PTPRT: variants seen among roughly 807,000 people sequenced by gnomAD.
PTPRT encodes the protein protein tyrosine phosphatase receptor type T, also known as receptor-type tyrosine-protein phosphatase T.
A neutral mutation model predicts 176.8 loss-of-function variants in PTPRT; 56 were observed. The ratio of observed to expected loss-of-function variants is 0.32; its 90% CI spans 0.26 to 0.40. The LOEUF (loss-of-function observed/expected upper bound fraction) is 0.40, where lower values mean the gene tolerates loss of function less well. PTPRT is among the 10% of genes least tolerant of loss of function. PTPRT has a pLI of 1.00. For missense variants in PTPRT, 1,540 were observed against 1,908.2 expected, an observed-to-expected ratio of 0.81 and a Z score of 3.60; for synonymous variants, 783 against 739.0, an observed-to-expected ratio of 1.06 and a Z score of -0.96.
chr20:42,426,044 C>T (rs529266039), intron 9 of PTPRT, among the ~76,000 whole-genome samples: 8 of 152,086 alleles, frequency 5.3e-5, no homozygotes, highest in Admixed American at 1.3e-4. Flanking sequence ...CTGTATGGTT[C>T]GTGAAAGTTG....
chr20:42,900,011 A>ACTGTCACTAT (rs2079374330), intron 1 of PTPRT, among the ~76,000 whole-genome samples: 1 of 152,222 alleles, frequency 6.6e-6, no homozygotes, highest in African/African-American at 2.4e-5. Context: ...TGAGTTAGGT[A>ACTGTCACTAT]CTGTCACTAT....
chr20:42,891,387 G>T (rs550557591), intron 1 of PTPRT, among the ~76,000 whole-genome samples: 1 of 152,332 alleles, frequency 6.6e-6, no homozygotes, highest in Admixed American at 6.5e-5. Context: ...GCAGGCTGAG[G>T]TCAAAATGTG....
At chr20:43,006,269 C>T in intron 1 of PTPRT, among the ~76,000 whole-genome samples, 1 of 152,208 alleles carries the variant, frequency 6.6e-6, no homozygotes, top group Admixed American at 6.5e-5. Context: ...ATAACCTTTA[C>T]ATCTCATGAG....
intron 1 of PTPRT, among the ~76,000 whole-genome samples, chr20:42,906,243 G>A (rs1259650479): frequency 6.6e-6 from 1 of 152,054 alleles, no homozygotes; most frequent in African/African-American, 2.4e-5. Context: ...GCTGGCAGAA[G>A]ACCACACTGG....
intron 6 of PTPRT, among the ~76,000 whole-genome samples, chr20:42,690,024 G>T (rs909089593): frequency 6.6e-6 from 1 of 152,244 alleles, no homozygotes; most frequent in Non-Finnish European, 1.5e-5. Flanking sequence ...AGGATGTTAG[G>T]GAAGGCTTCC....
intron 7 of PTPRT, among the ~76,000 whole-genome samples, chr20:42,499,181 G>A (rs1450747062): frequency 6.6e-6 from 1 of 151,620 alleles, no homozygotes; most frequent in Non-Finnish European, 1.5e-5. Context: ...CTGTACTACT[G>A]TGGCAATTTT....
rs879578824 is a variant in PTPRT, at chr20:42,481,775, CAA to C, written c.1154-9215_1154-9214del. Among the ~76,000 whole-genome samples the C allele has an allele frequency of 8.5e-3, 1,060 of 124,178 alleles. 8 individuals are homozygous for C. Among genetic ancestry groups the C allele is most frequent in the Middle Eastern group, 0.017 (4 of 230 alleles). 81.5% of individuals were successfully genotyped at this position (124,178 alleles called of 152,430 possible). A position where few individuals can be genotyped will look rare whatever the true frequency, so the allele number is the denominator to read the frequency against. On this transcript the variant is annotated intron_variant, in intron 7 of 30. Coordinates refer to ENST00000373187, the MANE Select transcript of PTPRT (RefSeq NM_007050.6). Reference sequence around the variant, plus strand: ...CTAAAAGAAAAAAACCATACACACACAAACACACACACACACACACACACACA... The same window carrying C: ...CTAAAAGAAAAAAACCATACACACACACACACACACACACACACACACACA...
intron 1 of PTPRT, among the ~76,000 whole-genome samples, chr20:43,082,520 C>G (rs1269199125): frequency 1.3e-5 from 2 of 152,130 alleles, no homozygotes; most frequent in African/African-American, 2.4e-5. Flanking sequence ...CACACACACT[C>G]ACACACACAA....
chr20:42,854,067 G>T (rs1303080945), intron 2 of PTPRT, among the ~76,000 whole-genome samples: 1 of 152,134 alleles, frequency 6.6e-6, no homozygotes, highest in Admixed American at 6.5e-5. Flanking sequence ...GGGGAGACCT[G>T]CAGTACCATT....
intron 1 of PTPRT, among the ~76,000 whole-genome samples, chr20:43,033,443 C>G (rs957496978): frequency 6.6e-6 from 1 of 152,092 alleles, no homozygotes; most frequent in Non-Finnish European, 1.5e-5. Context: ...TAAGTGAAGG[C>G]ATTTGGGAGC....
intron 16 of PTPRT, among the ~76,000 whole-genome samples, chr20:42,184,595 C>CTTCTTCCTCT (rs1990684333): frequency 1.4e-4 from 4 of 29,426 alleles, no homozygotes; most frequent in Admixed American, 3.7e-4. Flanking sequence ...CTTCTTCTTC[C>CTTCTTCCTCT]TCTTCTTCTT....
At chr20:42,869,752 T>G (rs894596846) in intron 2 of PTPRT, among the ~76,000 whole-genome samples, 4 of 152,228 alleles carry the variant, frequency 2.6e-5, no homozygotes, top group Non-Finnish European at 5.9e-5. Context: ...ACATGGATTT[T>G]GGGGCATCTG....
intron 11 of PTPRT, among the ~76,000 whole-genome samples, chr20:42,333,607 G>C (rs116854695): frequency 0.035 from 5,275 of 151,786 alleles, 127 homozygotes; most frequent in Non-Finnish European, 0.05. Context: ...GCTGGGATTA[G>C]AGGCGTGAAC....
intron 7 of PTPRT, among the ~76,000 whole-genome samples, chr20:42,492,951 C>A (rs1207469538): frequency 6.6e-6 from 1 of 152,166 alleles, no homozygotes; most frequent in Non-Finnish European, 1.5e-5. Context: ...TTTCTCAGAT[C>A]TTCAATGTCT....
At chr20:42,604,947 T>C (rs1022982494) in intron 7 of PTPRT, among the ~76,000 whole-genome samples, 10 of 152,002 alleles carry the variant, frequency 6.6e-5, no homozygotes, top group Admixed American at 2.6e-4. Context: ...GTCCAGGGGT[T>C]TGTGTTGCTG....
chr20:42,108,395 ATGATGT>A (rs1174362567), intron 23 of PTPRT, among the ~76,000 whole-genome samples: 1 of 151,626 alleles, frequency 6.6e-6, no homozygotes, highest in African/African-American at 2.4e-5. Flanking sequence ...CATCTATAAA[ATGATGT>A]TGATAATAAT....
intron 7 of PTPRT, among the ~76,000 whole-genome samples, chr20:42,662,006 G>C (rs1390812923): frequency 1.3e-5 from 2 of 152,176 alleles, no homozygotes; most frequent in Non-Finnish European, 2.9e-5. Flanking sequence ...TCTTGATAGA[G>C]TGAGCTTTGT....
In PTPRT at chr20:42,254,289, C is replaced by T. The variant is rs537212562; in HGVS notation, c.2177-5467G>A. The stretch of plus-strand genomic sequence containing the variant: ...AAGACAGGCCATGAGCCTTGCTACT[C>T]AAAAAGTGGTCCATCGACCAGAATA... On this transcript the variant is annotated intron_variant, in intron 13 of 30. Transcript: ENST00000373187. Among the ~76,000 whole-genome samples the T allele has an allele frequency of 1.9e-4, 29 of 152,278 alleles. No individual in the cohort carries two copies. The South Asian group carries it at 5.2e-3, about 27-fold the overall frequency.
chr20:42,668,952 C>T (rs912186401), intron 7 of PTPRT, among the ~76,000 whole-genome samples: 2 of 149,066 alleles, frequency 1.3e-5, no homozygotes, highest in East Asian at 2.0e-4. Flanking sequence ...CCTCATGATC[C>T]GCCCGCCTCG....
Sources: allele counts gnomAD v4.1 joint callset (sites outside exome capture counted in the v4.1 genomes callset), GRCh38; gene constraint gnomAD v4.1.1; transcripts MANE v1.5; gene names NCBI Gene and HGNC (gene_info 2026-07-23, HGNC 2026-07-21).